Variants in TDRD10 observed in about 807,000 individuals in gnomAD.
TDRD10 encodes the protein tudor domain-containing protein 10.
A neutral mutation model predicts 48.0 loss-of-function variants in TDRD10; 40 were observed. That is an observed-to-expected ratio of 0.83 (90% confidence interval 0.65 to 1.09). The LOEUF (loss-of-function observed/expected upper bound fraction) is 1.09. TDRD10 is among the 50% of genes least tolerant of loss of function. TDRD10 has a pLI of 0.00. For missense variants in TDRD10, 378 were observed against 434.7 expected (o/e 0.87, Z 1.16); for synonymous variants, 162 against 170.4 (o/e 0.95, Z 0.38).
Position 154,544,534 on chromosome 1 carries a change from G to T in TDRD10, c.797+17G>T. 6.2e-7 allele frequency: 1 copy of T among 1,611,724 alleles called. No individual in the cohort carries two copies. Among genetic ancestry groups the T allele is most frequent in the Non-Finnish European group, 8.5e-7 (1 of 1,178,370 alleles). ...CTGGAACAGGTGTGTGCCTGGGCAG[G>T]GGTAGAGTCTATGGGAGAGGCGTGC... is the stretch of plus-strand genomic sequence containing the variant. On this transcript the variant is annotated intron_variant, in intron 10 of 12. Coordinates refer to ENST00000368482, the MANE Select transcript of TDRD10 (RefSeq NM_182499.4).
intron 10 of TDRD10, 84 bp from the exon 11 acceptor site, chr1:154,544,711 C>T: frequency 1.3e-6 from 2 of 1,547,422 alleles, no homozygotes; most frequent in Non-Finnish European, 1.8e-6. Context: ...CCTACCTCCA[C>T]TTTCACATCC....
chr1:154,544,786 C>T lies in TDRD10; in HGVS notation c.798-9C>T, dbSNP rs1409957899. The T allele has an allele frequency of 2.5e-6, 4 of 1,613,376 alleles. No individual in the cohort carries two copies. In the South Asian group the frequency reaches 3.3e-5, roughly 13 times the overall value. ...GATTGTCCTCTGTCTTTCTCTTTTCCTCTGCCAGGTGTTGGGTGCTGGACA... is the reference window on the plus strand; with the variant it reads ...GATTGTCCTCTGTCTTTCTCTTTTCTTCTGCCAGGTGTTGGGTGCTGGACA... On this transcript the variant is annotated splice_polypyrimidine_tract_variant and intron_variant, in intron 10 of 12. Transcript: ENST00000368482.
At chr1:154,512,217 T>C (rs1165756140) in intron 4 of TDRD10, among the ~76,000 whole-genome samples, 1 of 152,240 alleles carries the variant, frequency 6.6e-6, no homozygotes, top group Non-Finnish European at 1.5e-5. Context: ...GATTTCCTAT[T>C]CTGGACATTT....
intron 3 of TDRD10, among the ~76,000 whole-genome samples, chr1:154,507,652 A>G (rs1693221865): frequency 6.6e-6 from 1 of 152,174 alleles, no homozygotes; most frequent in Admixed American, 6.5e-5. Flanking sequence ...CAACCCGGTT[A>G]CAGCCCTCAC....
At chr1:154,544,762 A>G (rs765947024) in intron 10 of TDRD10, 33 bp from the exon 11 acceptor site, 1 of 1,609,426 alleles carries the variant, frequency 6.2e-7, no homozygotes, top group Non-Finnish European at 8.5e-7. Flanking sequence ...AGGCGGAATG[A>G]TTGTCCTCTG....
chr1:154,546,403 A>G (rs1042626951), intron 11 of TDRD10, among the ~76,000 whole-genome samples: 1 of 146,916 alleles, frequency 6.8e-6, no homozygotes, highest in Non-Finnish European at 1.5e-5. Flanking sequence ...TATATGTATA[A>G]TGTAATTTAT....
At chr1:154,521,094 A>G (rs991719439) in intron 5 of TDRD10, among the ~76,000 whole-genome samples, 1 of 152,220 alleles carries the variant, frequency 6.6e-6, no homozygotes, top group Non-Finnish European at 1.5e-5. Flanking sequence ...CATACGATGC[A>G]TAGTGAAAGT....
intron 1 of TDRD10, among the ~76,000 whole-genome samples, chr1:154,506,666 G>T (rs768180307): frequency 1.3e-5 from 2 of 152,220 alleles, no homozygotes; most frequent in Non-Finnish European, 2.9e-5. Context: ...GTGAGCCACA[G>T]TGCCAGGCCT....
Position 154,542,042 on chromosome 1 carries a change from G to C in TDRD10, c.388G>C (p.Gly130Arg). ...RAPLVLEKAS[G>R]EGFGKTAAII... ...TTCCCAGGTGTTGGAGAAGGCTTCTGGTGAAGGATTTGGCAAAACCGCCGG... is the reference window on the plus strand; with the variant it reads ...TTCCCAGGTGTTGGAGAAGGCTTCTCGTGAAGGATTTGGCAAAACCGCCGG... Residue 130 changes from glycine to arginine, a missense_variant, in exon 7 of 13, where the codon GGT becomes CGT. Coordinates refer to ENST00000368482, the MANE Select transcript of TDRD10 (RefSeq NM_182499.4). 1 of 1,613,926 alleles carries C rather than the reference G, an allele frequency of 6.2e-7. No homozygotes were observed. The highest frequency in any genetic ancestry group is 2.2e-5 in the East Asian group (1 of 44,872).
intron 1 of TDRD10, among the ~76,000 whole-genome samples, chr1:154,505,644 T>G: frequency 6.6e-6 from 1 of 152,354 alleles, no homozygotes; most frequent in East Asian, 1.9e-4. Context: ...TAAAATGACT[T>G]TGACGCCTTG....
At chr1:154,537,803 AG>A (rs533499525) in intron 6 of TDRD10, among the ~76,000 whole-genome samples, 1 of 152,206 alleles carries the variant, frequency 6.6e-6, no homozygotes, top group Non-Finnish European at 1.5e-5. Context: ...ACTCTGGAGC[AG>A]GCGCACCTCT....
chr1:154,526,892 ATT>A (rs61313171), intron 6 of TDRD10, among the ~76,000 whole-genome samples: 57 of 150,450 alleles, frequency 3.8e-4, no homozygotes, highest in African/African-American at 1.2e-3. Flanking sequence ...CCTGGCCTGA[ATT>A]TTTTTTTTAT....
intron 6 of TDRD10, among the ~76,000 whole-genome samples, chr1:154,540,360 T>C (rs2149349458): frequency 6.6e-6 from 1 of 151,552 alleles, no homozygotes; most frequent in East Asian, 1.9e-4. Flanking sequence ...AGAACTTGGG[T>C]GAACTGCTCT....
chr1:154,509,786 AT>A (rs560040180), intron 4 of TDRD10: 11,813 of 985,302 alleles, frequency 0.012, 91 homozygotes, highest in Non-Finnish European at 0.013. Flanking sequence ...TTCCTCCCCC[AT>A]TTTGGCAGGC....
At chr1:154,520,266 G>A (rs1335888594) in intron 4 of TDRD10, 38 bp from the exon 5 acceptor site, 4 of 1,469,880 alleles carry the variant, frequency 2.7e-6, no homozygotes, top group Admixed American at 1.7e-5. Flanking sequence ...TGTAAGTTAT[G>A]TCTCTGGGTC....
chr1:154,510,240 T>TAAA (rs34841605), intron 4 of TDRD10, among the ~76,000 whole-genome samples: 1 of 137,712 alleles, frequency 7.3e-6, no homozygotes. Flanking sequence ...CCACATCTCT[T>TAAA]AAAAAAAAAA....
chr1:154,506,415 G>A (rs1284897823), intron 1 of TDRD10, among the ~76,000 whole-genome samples: 2 of 145,550 alleles, frequency 1.4e-5, no homozygotes, highest in Non-Finnish European at 3.0e-5. Flanking sequence ...TCACTCTGTC[G>A]CCCAGGCTGG....
At chr1:154,511,533 C>A (rs1693475322) in intron 4 of TDRD10, among the ~76,000 whole-genome samples, 3 of 150,480 alleles carry the variant, frequency 2.0e-5, no homozygotes, top group Non-Finnish European at 3.0e-5. Context: ...ACAAAAATTA[C>A]TAATAATACA....
chr1:154,530,717 T>G (rs915763956), intron 6 of TDRD10, among the ~76,000 whole-genome samples: 6 of 152,136 alleles, frequency 3.9e-5, no homozygotes, highest in African/African-American at 1.4e-4. Context: ...GAATCTAGGT[T>G]TTCTCGGTCT....
Sources: allele counts gnomAD v4.1 joint callset (sites outside exome capture counted in the v4.1 genomes callset), GRCh38; gene constraint gnomAD v4.1.1; transcripts MANE v1.5; gene names NCBI Gene and HGNC (gene_info 2026-07-23, HGNC 2026-07-21).